FAM222B: variants seen among roughly 807,000 people sequenced by gnomAD.
FAM222B encodes family with sequence similarity 222 member B, also known as protein FAM222B.
A neutral mutation model predicts 38.0 loss-of-function variants in FAM222B; 12 were observed. The observed-to-expected ratio is 0.32, with a 90% CI of 0.20 to 0.51. FAM222B has a LOEUF of 0.51. FAM222B is among the 20% of genes least tolerant of loss of function. The pLI is 0.97. For synonymous variants in FAM222B, 329 were observed against 317.2 expected (o/e 1.04, Z -0.40); for missense variants, 716 against 754.2 (o/e 0.95, Z 0.59).
At position 28,784,658 on chromosome 17, in the gene FAM222B, G is replaced by A. The variant is rs565832161; in HGVS notation, c.-40-17951C>T. 3.3e-5 allele frequency among the ~76,000 whole-genome samples: 5 copies of A among 150,506 alleles called. No individual in the cohort carries two copies. The East Asian group carries it at 1.0e-3, about 31-fold the overall frequency. On this transcript the variant is annotated intron_variant, in intron 1 of 2. Coordinates refer to ENST00000581407, the MANE Select transcript of FAM222B (RefSeq NM_001077498.3). ...ATCCTGGCTAACACAATGAAACCCC[G>A]TCTCTACTAAAAATACAAAAAATTA...
intron 1 of FAM222B, among the ~76,000 whole-genome samples, chr17:28,820,233 T>C (rs1005953492): frequency 6.6e-6 from 1 of 152,234 alleles, no homozygotes. Flanking sequence ...TTTCCTCTAT[T>C]GTTAATGTCA....
At chr17:28,815,388 T>TA (rs1444109797) in intron 1 of FAM222B, among the ~76,000 whole-genome samples, 2 of 152,100 alleles carry the variant, frequency 1.3e-5, no homozygotes, top group Non-Finnish European at 2.9e-5. Context: ...TAATTTTTTG[T>TA]ATTCTTTAGT....
At chr17:28,848,948 G>C (rs965822446) in intron 1 of FAM222B, 2 of 152,036 alleles carry the variant, frequency 1.3e-5, no homozygotes, top group Admixed American at 1.3e-4. Flanking sequence ...TTCCCCACCA[G>C]AACTGAGCTC....
chr17:28,795,593 A>T (rs910613684), intron 1 of FAM222B, among the ~76,000 whole-genome samples: 2 of 152,014 alleles, frequency 1.3e-5, no homozygotes, highest in African/African-American at 4.8e-5. Flanking sequence ...ACACCCAGCT[A>T]ATTTTTTAAA....
At chr17:28,795,752 C>A (rs1223208328) in intron 1 of FAM222B, among the ~76,000 whole-genome samples, 3 of 152,166 alleles carry the variant, frequency 2.0e-5, no homozygotes, top group African/African-American at 7.2e-5. Context: ...AGTGTCCAAA[C>A]CAAGTTTTCT....
chr17:28,825,742 T>C (rs553527603), intron 1 of FAM222B, among the ~76,000 whole-genome samples: 2 of 152,310 alleles, frequency 1.3e-5, no homozygotes, highest in South Asian at 4.1e-4. Context: ...TCCTCTATTT[T>C]TCTGTACAGT....
At chr17:28,843,588 C>T (rs1205722742), upstream of FAM222B, among the ~76,000 whole-genome samples, 2 of 151,244 alleles carry the variant, frequency 1.3e-5, no homozygotes, top group Non-Finnish European at 2.9e-5. Context: ...GCTGGGATTA[C>T]AGGCTTGCAC....
intron 1 of FAM222B, among the ~76,000 whole-genome samples, chr17:28,768,313 G>C (rs922741961): frequency 5.9e-5 from 9 of 152,280 alleles, no homozygotes; most frequent in Admixed American, 5.9e-4. Context: ...TTGTCATGAT[G>C]AGTATCAGAG....
intron 1 of FAM222B, among the ~76,000 whole-genome samples, chr17:28,832,538 G>C (rs12451760): frequency 6.6e-6 from 1 of 152,108 alleles, no homozygotes; most frequent in Non-Finnish European, 1.5e-5. Context: ...TCTTACTTTG[G>C]ACAATCCTCC....
intron 1 of FAM222B, among the ~76,000 whole-genome samples, chr17:28,850,937 G>T (rs1567915705): frequency 6.6e-6 from 1 of 151,816 alleles, no homozygotes; most frequent in South Asian, 2.1e-4. Context: ...TGGCCAATAT[G>T]GTGAAACCCC....
rs1269523353 is a variant in FAM222B at position 28,756,061 on chromosome 17, G to A, written c.*2209C>T. On this transcript the variant is annotated 3_prime_UTR_variant, in exon 3 of 3. Coordinates refer to ENST00000581407, the MANE Select transcript of FAM222B (RefSeq NM_001077498.3). ...AAACCACCACAGGTGAGGTGAGAGAGATGGAGAATGAATGCTACAGTATGT... is the reference window on the plus strand; with the variant it reads ...AAACCACCACAGGTGAGGTGAGAGAAATGGAGAATGAATGCTACAGTATGT... 6.6e-6 allele frequency: 1 copy of A among 152,640 alleles called. No homozygotes were observed. Among genetic ancestry groups the A allele is most frequent in the Non-Finnish European group, 1.5e-5 (1 of 68,048 alleles). 9.5% of individuals were successfully genotyped at this position (152,640 alleles called of 1,614,324 possible).
intron 1 of FAM222B, among the ~76,000 whole-genome samples, chr17:28,778,709 ATATATATATATTTTTTTTT>A (rs2036018149): frequency 1.4e-5 from 1 of 69,984 alleles, no homozygotes; most frequent in Non-Finnish European, 2.6e-5. Context: ...ATATATATAT[ATATATATATATTTTTTTTT>A]TTTTTTTTTT....
chr17:28,848,991 G>C (rs2039163833), intron 1 of FAM222B: 1 of 152,344 alleles, frequency 6.6e-6, no homozygotes, highest in Non-Finnish European at 1.5e-5. Context: ...GCCGGGCGCG[G>C]TGGCTTACGC....
At chr17:28,770,914 T>A (rs549939726) in intron 1 of FAM222B, among the ~76,000 whole-genome samples, 121 of 151,968 alleles carry the variant, frequency 8.0e-4, no homozygotes, top group Middle Eastern at 3.4e-3. Flanking sequence ...GTTCTAAGGG[T>A]CACAATGTCT....
In FAM222B at chr17:28,759,675, G is replaced by T; in HGVS notation, c.284C>A (p.Ala95Asp). ...AQRYSPYPTQAATKAGLLAIV... is the reference protein window; with the variant it reads ...AQRYSPYPTQDATKAGLLAIV... ...GGCAAGCAGGCCTGCCTTGGTGGCA[G>T]CCTGTGTCGGGTAGGGGCTGTAGCG... is the stretch of plus-strand genomic sequence containing the variant. The change falls in exon 3 of 3, where the codon GCT becomes GAT. Residue 95 changes from alanine to aspartate, a missense_variant. Physicochemically the swap from Ala to Asp is moderately radical, Grantham distance 126 (BLOSUM62 -2). Transcript: ENST00000581407. The surrounding 1 kb of genome is among the most constrained non-coding windows in gnomAD (Gnocchi z 4.8). The T allele has an allele frequency of 6.2e-7, 1 of 1,613,632 alleles. No individual in the cohort carries two copies. The highest frequency in any genetic ancestry group is 8.5e-7 in the Non-Finnish European group (1 of 1,179,750).
At chr17:28,846,987 G>T (rs893954148), upstream of FAM222B, among the ~76,000 whole-genome samples, 2 of 152,018 alleles carry the variant, frequency 1.3e-5, no homozygotes, top group African/African-American at 4.8e-5. Context: ...ACTTTGGGAG[G>T]CCTAGGTGGG....
At chr17:28,793,318 T>C (rs1312216678) in intron 1 of FAM222B, among the ~76,000 whole-genome samples, 1 of 152,162 alleles carries the variant, frequency 6.6e-6, no homozygotes, top group Non-Finnish European at 1.5e-5. Flanking sequence ...GCAAACTCTC[T>C]TATATTTTAA....
chr17:28,824,079 G>A (rs1295389504), intron 1 of FAM222B, among the ~76,000 whole-genome samples: 3 of 151,716 alleles, frequency 2.0e-5, no homozygotes, highest in South Asian at 2.1e-4. Flanking sequence ...GGGTTTCACC[G>A]TGTTAGCCAG....
At chr17:28,785,711 T>G (rs1452867429) in intron 1 of FAM222B, among the ~76,000 whole-genome samples, 1 of 152,050 alleles carries the variant, frequency 6.6e-6, no homozygotes, top group African/African-American at 2.4e-5. Context: ...ATTTTTTTTT[T>G]TTTTTTGAGA....
Sources: gnomAD v4.1 joint callset for allele counts (sites outside exome capture counted in the v4.1 genomes callset) on GRCh38, gnomAD v4.1.1 for gene constraint, Gnocchi (gnomAD v3.1) non-coding constraint, MANE v1.5 for transcripts, NCBI Gene and HGNC (gene_info 2026-07-23, HGNC 2026-07-21) for gene names.